The following POU6F2 variants were observed in gnomAD, a reference collection of about 807,000 sequenced individuals.
POU6F2 encodes the protein POU domain, class 6, transcription factor 2.
A neutral mutation model predicts 71.3 loss-of-function variants in POU6F2; 31 were observed. That is an observed-to-expected ratio of 0.43 (90% CI 0.33 to 0.59). The LOEUF is 0.59. POU6F2 is among the 20% of genes least tolerant of loss of function. The pLI is 0.04. For synonymous variants in POU6F2, 347 were observed against 355.7 expected (o/e 0.98, Z 0.27); for missense variants, 783 against 856.8 (o/e 0.91, Z 1.07).
chr7:39,116,941 G>A (rs1172177774), intron 2 of POU6F2, among the ~76,000 whole-genome samples: 5 of 152,126 alleles, frequency 3.3e-5, no homozygotes, highest in African/African-American at 4.8e-5. Context: ...AAGTTCAGGG[G>A]TATATTAGGA....
At chr7:39,045,849 CCATT>C in intron 1 of POU6F2, among the ~76,000 whole-genome samples, 1 of 151,646 alleles carries the variant, frequency 6.6e-6, no homozygotes, top group Non-Finnish European at 1.5e-5. Flanking sequence ...TTTTATTTAC[CCATT>C]CATAGTTGAC....
At chr7:39,294,920 T>C (rs993738258) in intron 4 of POU6F2, among the ~76,000 whole-genome samples, 2 of 152,260 alleles carry the variant, frequency 1.3e-5, no homozygotes, top group South Asian at 2.1e-4. Context: ...CTGGGACTTA[T>C]GTTGAAAGAC....
intron 7 of POU6F2, among the ~76,000 whole-genome samples, chr7:39,434,712 G>T (rs1447951391): frequency 6.6e-6 from 1 of 152,002 alleles, no homozygotes; most frequent in Non-Finnish European, 1.5e-5. Context: ...GAACGTGCAG[G>T]TTTGTTACAT....
intron 4 of POU6F2, among the ~76,000 whole-genome samples, chr7:39,259,425 A>G (rs1784089475): frequency 6.6e-6 from 1 of 152,178 alleles, no homozygotes; most frequent in Non-Finnish European, 1.5e-5. Context: ...AGAAAAACAA[A>G]ATGGCCTGTT....
rs942622766 is a variant in POU6F2, at chr7:39,348,118, A to G, written c.972+8103A>G. 8.3e-5 allele frequency among the ~76,000 whole-genome samples: 12 copies of G among 144,432 alleles called. 3 individuals carry two copies. Among genetic ancestry groups the G allele is most frequent in the Non-Finnish European group, 1.6e-4 (10 of 64,490 alleles). 94.8% of individuals were successfully genotyped at this position (144,432 alleles called of 152,430 possible). A position where few individuals can be genotyped will look rare whatever the true frequency, so the allele number is the denominator to read the frequency against. Reference sequence around the variant, plus strand: ...AAAACTTTCAATATATGAACTATACATAATAAACTCTTGAGAAAACAACAA... The same window carrying G: ...AAAACTTTCAATATATGAACTATACGTAATAAACTCTTGAGAAAACAACAA... On this transcript the variant is annotated intron_variant, in intron 5 of 9. Transcript: ENST00000518318.
At chr7:39,171,239 G>A (rs975669631) in intron 2 of POU6F2, among the ~76,000 whole-genome samples, 3 of 151,476 alleles carry the variant, frequency 2.0e-5, no homozygotes, top group Admixed American at 1.3e-4. Flanking sequence ...CCGTCCCTGT[G>A]TCCATAAGTT....
chr7:39,365,443 A>G (rs549496075), intron 5 of POU6F2, among the ~76,000 whole-genome samples: 1 of 152,230 alleles, frequency 6.6e-6, no homozygotes, highest in Non-Finnish European at 1.5e-5. Context: ...ATTCTAGTAG[A>G]TAACATTGCA....
intron 2 of POU6F2, among the ~76,000 whole-genome samples, chr7:39,110,358 C>G (rs866428214): frequency 1.3e-5 from 2 of 150,988 alleles, no homozygotes; most frequent in Non-Finnish European, 3.0e-5. Context: ...GAAAACTGAT[C>G]ATGTTCTAAG....
intron 2 of POU6F2, among the ~76,000 whole-genome samples, chr7:39,099,784 C>A (rs1405992): frequency 0.038 from 5,806 of 152,202 alleles, 179 homozygotes; most frequent in Non-Finnish European, 0.059. Context: ...ATAATGAAAG[C>A]CCCTTCCCCT....
chr7:39,361,906 G>A (rs1339536856), intron 5 of POU6F2, among the ~76,000 whole-genome samples: 1 of 152,192 alleles, frequency 6.6e-6, no homozygotes, highest in Non-Finnish European at 1.5e-5. Flanking sequence ...TAGGCAAGGG[G>A]GAAGAGGCTA....
intron 1 of POU6F2, among the ~76,000 whole-genome samples, chr7:39,071,289 G>A (rs113863080): frequency 1.3e-4 from 20 of 151,942 alleles, no homozygotes; most frequent in Non-Finnish European, 2.1e-4. Context: ...GTGCTCCTAC[G>A]AGAATCTAAT....
chr7:39,386,901 G>A (rs936696827), intron 5 of POU6F2, among the ~76,000 whole-genome samples: 1 of 152,104 alleles, frequency 6.6e-6, no homozygotes, highest in African/African-American at 2.4e-5. Context: ...AGTCAATGTC[G>A]TGCTCCCCTC....
chr7:39,297,898 T>C (rs1269925721), intron 4 of POU6F2, among the ~76,000 whole-genome samples: 1 of 152,078 alleles, frequency 6.6e-6, no homozygotes, highest in Non-Finnish European at 1.5e-5. Flanking sequence ...AAACAAGCAA[T>C]GGAGAAAGGA....
intron 2 of POU6F2, among the ~76,000 whole-genome samples, chr7:39,130,177 TGTG>T (rs1562716978): frequency 9.9e-5 from 15 of 151,218 alleles, no homozygotes; most frequent in African/African-American, 3.6e-4. Context: ...TGTGTGTGTG[TGTG>T]TTTTAATGTC....
intron 2 of POU6F2, among the ~76,000 whole-genome samples, chr7:39,087,306 G>C (rs1791274673): frequency 1.3e-5 from 2 of 151,944 alleles, no homozygotes; most frequent in African/African-American, 4.8e-5. Flanking sequence ...TCAAACATTA[G>C]AGAGATGTCA....
At chr7:39,314,335 A>G (rs988852427) in intron 4 of POU6F2, among the ~76,000 whole-genome samples, 1 of 152,054 alleles carries the variant, frequency 6.6e-6, no homozygotes, top group South Asian at 2.1e-4. Context: ...GAAAATTGTC[A>G]TTAATATGAT....
chr7:38,989,524 A>C (rs1321534771), intron 1 of POU6F2, among the ~76,000 whole-genome samples: 2 of 152,048 alleles, frequency 1.3e-5, no homozygotes, highest in Non-Finnish European at 2.9e-5. Flanking sequence ...ACACCTTTTC[A>C]TGATCAGTTT....
intron 1 of POU6F2, among the ~76,000 whole-genome samples, chr7:39,033,142 G>A (rs183545786): frequency 7.5e-4 from 114 of 152,278 alleles, no homozygotes; most frequent in African/African-American, 2.6e-3. Flanking sequence ...GTGTTTTTAG[G>A]CATCAAGAGA....
chr7:39,211,218 A>AAC (rs1379770614), intron 4 of POU6F2, among the ~76,000 whole-genome samples: 6 of 152,016 alleles, frequency 3.9e-5, no homozygotes, highest in Non-Finnish European at 8.8e-5. Context: ...GGGAGGAACA[A>AAC]ACACCCAGTC....
Sources: gnomAD v4.1 joint callset for allele counts (sites outside exome capture counted in the v4.1 genomes callset) on GRCh38, gnomAD v4.1.1 for gene constraint, MANE v1.5 for transcripts, NCBI Gene and HGNC (gene_info 2026-07-23, HGNC 2026-07-21) for gene names.